VARS2: variants seen among roughly 807,000 people sequenced by gnomAD.
VARS2 encodes the protein valyl-tRNA synthetase 2, mitochondrial.
VARS2 carries 105 observed loss-of-function variants against 154.1 expected under a neutral mutation model. The observed-to-expected ratio is 0.68, with a 90% CI of 0.58 to 0.80. The LOEUF is 0.80. Among genes scored for constraint, VARS2 ranks in the 30% least tolerant of loss-of-function variants. VARS2 has a pLI of 0.00. For synonymous variants in VARS2, 483 were observed against 539.5 expected (o/e 0.90, Z 1.45); for missense variants, 1,157 against 1,361.4 (o/e 0.85, Z 2.36).
rs57637932 is a variant in VARS2, at chr6:30,916,101, AAAGCAACC to A, written c.574-42_574-35del. On this transcript the variant is annotated intron_variant, in intron 6 of 29. Coordinates refer to ENST00000676266, the MANE Select transcript of VARS2 (RefSeq NM_020442.6). The surrounding 1 kb of genome is among the most constrained non-coding windows in gnomAD (Gnocchi z 4.0). ...TTGGGCAAAAGCAATTTCTTCCCCC[AAAGCAACC>A]AAGCAACCTGACTCTGTTCATTTGC... 1,247,213 of 1,612,644 alleles carry A rather than the reference AAAGCAACC, an allele frequency of 0.77. 484,934 individuals carry two copies. Among genetic ancestry groups the A allele is most frequent in the South Asian group, 0.9 (81,494 of 91,018 alleles).
intron 1 of VARS2, 61 bp downstream of exon 1, chr6:30,914,405 C>T (rs1794004192): frequency 1.6e-6 from 2 of 1,268,840 alleles, no homozygotes; most frequent in South Asian, 3.1e-5. Context: ...TGGGCCCAGG[C>T]CTTGGGATGG....
chr6:30,920,952 G>A lies in VARS2; in HGVS notation c.1480-113G>A, dbSNP rs928953650. ...CTCAAGCCCAGAATCTTGGCAAGAGGCTTGGGAGGTCCTTTCTGAGTTTTA... is the reference window on the plus strand; with the variant it reads ...CTCAAGCCCAGAATCTTGGCAAGAGACTTGGGAGGTCCTTTCTGAGTTTTA... On this transcript the variant is annotated intron_variant, in intron 15 of 29. Coordinates refer to ENST00000676266, the MANE Select transcript of VARS2 (RefSeq NM_020442.6). The surrounding 1 kb of genome is among the most constrained non-coding windows in gnomAD (Gnocchi z 4.6). 2 of 1,281,046 alleles carry A rather than the reference G, an allele frequency of 1.6e-6. No homozygotes were observed. Among genetic ancestry groups the A allele is most frequent in the African/African-American group, 1.5e-5 (1 of 66,250 alleles). The allele number at this position is 1,281,046 out of a possible 1,614,324, so 79.4% of individuals were successfully genotyped here. A position where few individuals can be genotyped will look rare whatever the true frequency, so the allele number is the denominator to read the frequency against.
intron 10 of VARS2, 21 bp from the exon 11 acceptor site, chr6:30,918,806 T>C: frequency 6.2e-7 from 1 of 1,609,822 alleles, no homozygotes; most frequent in Admixed American, 1.7e-5. Context: ...CAGCTGTAAG[T>C]GTTTAAATGT....
At position 30,920,176 on chromosome 6, in the gene VARS2, A is replaced by G; in HGVS notation, c.1253A>G (p.Glu418Gly). The G allele has an allele frequency of 1.3e-6, 2 of 1,593,740 alleles. No individual in the cohort carries two copies. The highest frequency in any genetic ancestry group is 1.7e-6 in the Non-Finnish European group (2 of 1,168,846). ...HGLSPLNVIA[E>G]DGTMTSLCGD... ...TTGAGCCCCTTGAATGTCATTGCGG[A>G]GGATGGGACCATGACCTCCCTCTGC... Residue 418 changes from glutamate to glycine, a missense_variant, in exon 13 of 30, where the codon GAG (glutamate) becomes GGG (glycine). Physicochemically the swap from Glu to Gly is moderately conservative, Grantham distance 98. Coordinates refer to ENST00000676266, the MANE Select transcript of VARS2 (RefSeq NM_020442.6). The surrounding 1 kb of genome is among the most constrained non-coding windows in gnomAD (Gnocchi z 4.6).
Position 30,920,211 on chromosome 6 carries a change from C to T in VARS2, c.1288C>T (p.Leu430=), listed in dbSNP as rs2249459. The change falls in exon 13 of 30, where the codon CTG becomes TTG. Residue 430 remains leucine (L), a synonymous_variant. Coordinates refer to ENST00000676266, the MANE Select transcript of VARS2 (RefSeq NM_020442.6). This position sits in a 1 kb window ranked among gnomAD's most constrained non-coding sequence, Gnocchi z 4.6. ...CATGACCTCCCTCTGCGGGGACTGG[C>T]TGCAGGTGGTACCACCCTATGTTAC... ...GTMTSLCGDW[L]QGLHRFVARE... 0.33 allele frequency: 522,843 copies of T among 1,569,206 alleles called. 90,804 individuals carry two copies. The highest frequency in any genetic ancestry group is 0.36 in the Non-Finnish European group (413,168 of 1,156,124).
In VARS2 at chr6:30,921,434, C is replaced by T; in HGVS notation, c.1632+129C>T. ...TTCATGCTCATAGTCATGTAACCTT[C>T]TGCGCGATCAAGGCTCCCTGAAGTG... is the stretch of plus-strand genomic sequence containing the variant. On this transcript the variant is annotated intron_variant, in intron 17 of 29. Coordinates refer to ENST00000676266, the MANE Select transcript of VARS2 (RefSeq NM_020442.6). The surrounding 1 kb of genome is among the most constrained non-coding windows in gnomAD (Gnocchi z 4.6). 7.0e-7 allele frequency: 1 copy of T among 1,432,616 alleles called. No individual in the cohort carries two copies. The highest frequency in any genetic ancestry group is 1.9e-5 in the Admixed American group (1 of 51,770). The allele number at this position is 1,432,616 out of a possible 1,614,324, so 88.7% of individuals were successfully genotyped here. A position where few individuals can be genotyped will look rare whatever the true frequency, so the allele number is the denominator to read the frequency against.
rs111591750 is a variant in VARS2 at position 30,916,456 on chromosome 6, G to A, written c.671+207G>A. 7.4e-5 allele frequency: 27 copies of A among 362,918 alleles called. No individual in the cohort carries two copies. Among genetic ancestry groups the A allele is most frequent in the African/African-American group, 2.2e-4 (9 of 41,822 alleles). The allele number at this position is 362,918 out of a possible 1,614,324, so 22.5% of individuals were successfully genotyped here. A position where few individuals can be genotyped will look rare whatever the true frequency, so the allele number is the denominator to read the frequency against. On this transcript the variant is annotated intron_variant, in intron 7 of 29. Transcript: ENST00000676266. The surrounding 1 kb of genome is among the most constrained non-coding windows in gnomAD (Gnocchi z 4.0). Reference sequence around the variant, plus strand: ...ATTATATATGCATTAGAATATTCGTGTGTGTGTGTGTGTGTGTGTGTATTT... The same window carrying A: ...ATTATATATGCATTAGAATATTCGTATGTGTGTGTGTGTGTGTGTGTATTT...
intron 1 of VARS2, 185 bp downstream of exon 1, chr6:30,914,529 A>G: frequency 7.4e-7 from 1 of 1,342,322 alleles, no homozygotes; most frequent in Non-Finnish European, 9.5e-7. Flanking sequence ...GCTGATGCCC[A>G]TCATCTCCCT....
rs1193920089 is a variant in VARS2, at chr6:30,923,155, G to A, written c.2237G>A (p.Cys746Tyr). Reference protein sequence around the residue: ...VSEVQSCRHFCNKIWNALRFI... With the variant: ...VSEVQSCRHFYNKIWNALRFI... ...GAGGTCCAGAGCTGCCGACATTTCT[G>A]CAACAAGATCTGGAATGCTCTTCGC... The change falls in exon 24 of 30, where the codon TGC (cysteine) becomes TAC (tyrosine). Residue 746 changes from cysteine (C) to tyrosine (Y), a missense_variant. Physicochemically the swap from Cys to Tyr is radical, Grantham distance 194. Transcript: ENST00000676266. 1.2e-6 allele frequency: 2 copies of A among 1,613,108 alleles called. No individual in the cohort carries two copies. Among genetic ancestry groups the A allele is most frequent in the Non-Finnish European group, 1.7e-6 (2 of 1,180,034 alleles).
chr6:30,919,264 C>T lies in VARS2; in HGVS notation c.1074+349C>T, dbSNP rs1794357760. On this transcript the variant is annotated intron_variant, in intron 11 of 29. Coordinates refer to ENST00000676266, the MANE Select transcript of VARS2 (RefSeq NM_020442.6). The surrounding 1 kb of genome is among the most constrained non-coding windows in gnomAD (Gnocchi z 4.5). ...CTCCTGAGTAGCTGGGAGCGTGGCA[C>T]CATGCCCGGCACGTGCCACCACACC... 1 of 223,524 alleles carries T rather than the reference C, an allele frequency of 4.5e-6. No homozygotes were observed. The highest frequency in any genetic ancestry group is 1.6e-4 in the South Asian group (1 of 6,098). 13.8% of individuals were successfully genotyped at this position (223,524 alleles called of 1,614,324 possible). A position where few individuals can be genotyped will look rare whatever the true frequency, so the allele number is the denominator to read the frequency against.
chr6:30,920,096 G>A lies in VARS2; in HGVS notation c.1173G>A (p.Val391=), dbSNP rs1413409133. ...AVQPHVGTGA[V]KVTPAHSPAD... is the part of the protein sequence containing the mutation. ...ATGGCTGTGCTCCCCAAGGGGCAGTGAAGGTGACTCCAGCTCACAGTCCTG... is the reference window on the plus strand; with the variant it reads ...ATGGCTGTGCTCCCCAAGGGGCAGTAAAGGTGACTCCAGCTCACAGTCCTG... The change falls in exon 13 of 30, where the codon GTG becomes GTA. Residue 391 remains valine, a synonymous_variant. Transcript: ENST00000676266. This position sits in a 1 kb window ranked among gnomAD's most constrained non-coding sequence, Gnocchi z 4.6. The A allele has an allele frequency of 1.3e-6, 2 of 1,544,552 alleles. No individual in the cohort carries two copies. The highest frequency in any genetic ancestry group is 4.1e-5 in the Admixed American group (2 of 49,302).
Position 30,915,203 on chromosome 6 carries a change from G to A in VARS2, c.249G>A (p.Leu83=), listed in dbSNP as rs775054440. 2.5e-6 allele frequency: 4 copies of A among 1,614,196 alleles called. No homozygotes were observed. The South Asian group carries it at 3.3e-5, about 13-fold the overall frequency. Residue 83 remains leucine, a synonymous_variant, in exon 3 of 30, where the codon TTG becomes TTA. Coordinates refer to ENST00000676266, the MANE Select transcript of VARS2 (RefSeq NM_020442.6). ...CCTGGAGGCCTAAGGAGTTAGTATT[G>A]TATGAAATCCCTACGAAACCCGGTG... is the stretch of plus-strand genomic sequence containing the variant. ...IKAWRPKELV[L]YEIPTKPGEK... is the part of the protein sequence containing the mutation.
chr6:30,921,185 G>C lies in VARS2; in HGVS notation c.1556+44G>C. 3.7e-6 allele frequency: 6 copies of C among 1,613,838 alleles called. No homozygotes were observed. The highest frequency in any genetic ancestry group is 4.2e-6 in the Non-Finnish European group (5 of 1,179,806). On this transcript the variant is annotated intron_variant, in intron 16 of 29. Coordinates refer to ENST00000676266, the MANE Select transcript of VARS2 (RefSeq NM_020442.6). This position sits in a 1 kb window ranked among gnomAD's most constrained non-coding sequence, Gnocchi z 4.6. ...GAGCTCTTGTGGAGATGGGGAGGGGGGACTGACTGGTTATTCTAAGACTTC... is the reference window on the plus strand; with the variant it reads ...GAGCTCTTGTGGAGATGGGGAGGGGCGACTGACTGGTTATTCTAAGACTTC...
In VARS2 at chr6:30,916,997, C is replaced by G; in HGVS notation, c.753+38C>G. ...TGCCTTGGTCCCTGTGAGTGATGGG[C>G]GATGTTTAGGGATCTGTGTGGGGCA... On this transcript the variant is annotated intron_variant, in intron 8 of 29. Coordinates refer to ENST00000676266, the MANE Select transcript of VARS2 (RefSeq NM_020442.6). The surrounding 1 kb of genome is among the most constrained non-coding windows in gnomAD (Gnocchi z 4.0). The G allele has an allele frequency of 6.2e-7, 1 of 1,613,234 alleles. No individual in the cohort carries two copies. Among genetic ancestry groups the G allele is most frequent in the African/African-American group, 1.3e-5 (1 of 74,942 alleles).
rs370243370 is a variant in VARS2 at position 30,920,090 on chromosome 6, G to A, written c.1167G>A (p.Gly389=). 1.3e-6 allele frequency: 2 copies of A among 1,539,052 alleles called. No individual in the cohort carries two copies. The highest frequency in any genetic ancestry group is 1.7e-6 in the Non-Finnish European group (2 of 1,144,938). Residue 389 remains glycine, a splice_region_variant and synonymous_variant, in exon 13 of 30, where the codon GGG becomes GGA. Transcript: ENST00000676266. The surrounding 1 kb of genome is among the most constrained non-coding windows in gnomAD (Gnocchi z 4.6). ...CTCACCATGGCTGTGCTCCCCAAGG[G>A]GCAGTGAAGGTGACTCCAGCTCACA... ...DYAVQPHVGT[G]AVKVTPAHSP... is the part of the protein sequence containing the mutation.
Position 30,921,755 on chromosome 6 carries a change from G to A in VARS2, c.1735+64G>A. The A allele has an allele frequency of 6.5e-7, 1 of 1,533,790 alleles. No homozygotes were observed. The highest frequency in any genetic ancestry group is 8.8e-7 in the Non-Finnish European group (1 of 1,132,846). On this transcript the variant is annotated intron_variant, in intron 18 of 29. Transcript: ENST00000676266. The surrounding 1 kb of genome is among the most constrained non-coding windows in gnomAD (Gnocchi z 4.6). Reference sequence around the variant, plus strand: ...GGGGCCTGGGCATCTGGGCCTTTGAGGGGAACAGATCCCAAGATACAGAAG... The same window carrying A: ...GGGGCCTGGGCATCTGGGCCTTTGAAGGGAACAGATCCCAAGATACAGAAG...
At position 30,922,522 on chromosome 6, in the gene VARS2, C is replaced by A; in HGVS notation, c.2005C>A (p.Pro669Thr). The change falls in exon 21 of 30, where the codon CCA becomes ACA. Residue 669 changes from proline (P) to threonine (T), a missense_variant. By Grantham distance (38) the Pro-to-Thr change is conservative. Transcript: ENST00000676266. The stretch of plus-strand genomic sequence containing the variant: ...CAAGTCCCTGGGGAATGTGCTGGAC[C>A]CAAGAGACATCATCAGTGGGGTGGA... Reference protein sequence around the residue: ...MSKSLGNVLDPRDIISGVEMQ... With the variant: ...MSKSLGNVLDTRDIISGVEMQ... 6.3e-7 allele frequency: 1 copy of A among 1,579,522 alleles called. No individual in the cohort carries two copies. The highest frequency in any genetic ancestry group is 8.6e-7 in the Non-Finnish European group (1 of 1,162,798).
At chr6:30,922,872 C>T (rs941981533) in intron 22 of VARS2, 26 bp from the exon 23 acceptor site, 1 of 1,587,712 alleles carries the variant, frequency 6.3e-7, no homozygotes, top group Non-Finnish European at 8.6e-7. Context: ...AGGCATCTGC[C>T]ACCCTTCTTC....
intron 26 of VARS2, among the ~76,000 whole-genome samples, 157 bp downstream of exon 26, chr6:30,924,717 C>A (rs1794737304): frequency 6.6e-6 from 1 of 152,144 alleles, no homozygotes; most frequent in Non-Finnish European, 1.5e-5. Context: ...CTGCGATGAC[C>A]CTAGGGTCTT....
Sources: allele counts gnomAD v4.1 joint callset (sites outside exome capture counted in the v4.1 genomes callset), GRCh38; gene constraint gnomAD v4.1.1; non-coding constraint Gnocchi (gnomAD v3.1); transcripts MANE v1.5; gene names NCBI Gene and HGNC (gene_info 2026-07-23, HGNC 2026-07-21).